Variants in PPARD observed in about 807,000 individuals in gnomAD.
PPARD encodes the protein peroxisome proliferator-activated receptor delta.
PPARD carries 6 observed loss-of-function variants against 39.5 expected under a neutral mutation model. The ratio of observed to expected loss-of-function variants is 0.15; its 90% confidence interval spans 0.08 to 0.30. PPARD has a LOEUF of 0.30. Ranked by LOEUF, PPARD falls within the 10% of genes least tolerant of loss-of-function variation. The pLI is 1.00. For missense variants in PPARD, 397 were observed against 596.8 expected (o/e 0.67, Z 3.49); for synonymous variants, 210 against 231.3 (o/e 0.91, Z 0.83).
chr6:35,358,871 T>TA (rs1198817345), intron 2 of PPARD, among the ~76,000 whole-genome samples: 4 of 152,118 alleles, frequency 2.6e-5, no homozygotes, highest in African/African-American at 7.2e-5. Context: ...ACAAAGCAGA[T>TA]AAAAAATCTC....
chr6:35,406,989 G>A (rs1262790983), intron 2 of PPARD, among the ~76,000 whole-genome samples: 2 of 152,174 alleles, frequency 1.3e-5, no homozygotes, highest in African/African-American at 4.8e-5. Context: ...TCTGCAAGGG[G>A]GGCCTATAAG....
chr6:35,365,342 G>A (rs770689956), intron 2 of PPARD, among the ~76,000 whole-genome samples: 2 of 148,686 alleles, frequency 1.3e-5, no homozygotes, highest in South Asian at 2.1e-4. Context: ...GGGTTTCACC[G>A]TGTTAGCCAG....
At chr6:35,348,847 G>T (rs1761044702) in intron 2 of PPARD, 1 of 985,410 alleles carries the variant, frequency 1.0e-6, no homozygotes, top group Non-Finnish European at 1.2e-6. Context: ...AGAGGGAAGA[G>T]GTCAAAGTAC....
At chr6:35,354,898 C>CG (rs1761485436) in intron 2 of PPARD, among the ~76,000 whole-genome samples, 1 of 152,132 alleles carries the variant, frequency 6.6e-6, no homozygotes, top group Non-Finnish European at 1.5e-5. Flanking sequence ...TGCTGGAGAC[C>CG]GGTGTGACTC....
Position 35,412,372 on chromosome 6 carries a change from C to T in PPARD, c.130+1155C>T, listed in dbSNP as rs761427604. Among the ~76,000 whole-genome samples, 2 of 152,228 alleles carry T rather than the reference C, an allele frequency of 1.3e-5. No individual in the cohort carries two copies. Among genetic ancestry groups the T allele is most frequent in the Admixed American group, 6.5e-5 (1 of 15,288 alleles). Reference sequence around the variant, plus strand: ...TATACTGCTGGGAGTAGACACCCTGCACTCGCTGCTGCTTTCAGCTGCAGG... The same window carrying T: ...TATACTGCTGGGAGTAGACACCCTGTACTCGCTGCTGCTTTCAGCTGCAGG... On this transcript the variant is annotated intron_variant, in intron 3 of 7. Coordinates refer to ENST00000360694, the MANE Select transcript of PPARD (RefSeq NM_006238.5). The surrounding 1 kb of genome is among the most constrained non-coding windows in gnomAD (Gnocchi z 4.1).
chr6:35,426,850 C>G lies in PPARD; in HGVS notation c.*771C>G, dbSNP rs1302845016. ...CACCCAGTGTCCTTCCATCTTCACA[C>G]TGGTTTGCCAGGCCAATGTTGCTGA... is the stretch of plus-strand genomic sequence containing the variant. On this transcript the variant is annotated 3_prime_UTR_variant, in exon 8 of 8. Coordinates refer to ENST00000360694, the MANE Select transcript of PPARD (RefSeq NM_006238.5). 1 of 152,504 alleles carries G rather than the reference C, an allele frequency of 6.6e-6. No individual in the cohort carries two copies. The highest frequency in any genetic ancestry group is 1.5e-5 in the Non-Finnish European group (1 of 68,234). 9.4% of individuals were successfully genotyped at this position (152,504 alleles called of 1,614,324 possible). A position where few individuals can be genotyped will look rare whatever the true frequency, so the allele number is the denominator to read the frequency against.
In PPARD at chr6:35,348,480, C is replaced by T. The variant is rs1420031421; in HGVS notation, c.-102+1330C>T. Reference sequence around the variant, plus strand: ...CTCAGAAGTGGAGCTCCAGGGAATACAATGTTCATTGTCCTATTTGGAAGG... The same window carrying T: ...CTCAGAAGTGGAGCTCCAGGGAATATAATGTTCATTGTCCTATTTGGAAGG... On this transcript the variant is annotated intron_variant, in intron 2 of 7. Coordinates refer to ENST00000360694, the MANE Select transcript of PPARD (RefSeq NM_006238.5). The T allele has an allele frequency of 3.0e-6, 3 of 985,274 alleles. No individual in the cohort carries two copies. The African/African-American group carries it at 5.2e-5, about 17-fold the overall frequency. The allele number at this position is 985,274 out of a possible 1,614,324, so 61.0% of individuals were successfully genotyped here. A position where few individuals can be genotyped will look rare whatever the true frequency, so the allele number is the denominator to read the frequency against.
chr6:35,424,904 T>G lies in PPARD; in HGVS notation c.1078+125T>G, dbSNP rs1766470013. 4 of 1,465,688 alleles carry G rather than the reference T, an allele frequency of 2.7e-6. No individual in the cohort carries two copies. The highest frequency in any genetic ancestry group is 3.6e-6 in the Non-Finnish European group (4 of 1,111,810). 90.8% of individuals were successfully genotyped at this position (1,465,688 alleles called of 1,614,324 possible). A position where few individuals can be genotyped will look rare whatever the true frequency, so the allele number is the denominator to read the frequency against. Reference sequence around the variant, plus strand: ...GGAAGTGTCCCTGTGATCTTGGCAGTGGAACATGCAAGGCACTGACTGAGC... The same window carrying G: ...GGAAGTGTCCCTGTGATCTTGGCAGGGGAACATGCAAGGCACTGACTGAGC... On this transcript the variant is annotated intron_variant, in intron 7 of 7. Coordinates refer to ENST00000360694, the MANE Select transcript of PPARD (RefSeq NM_006238.5). This position sits in a 1 kb window ranked among gnomAD's most constrained non-coding sequence, Gnocchi z 7.1.
rs1762029943 is a variant in PPARD, at chr6:35,363,444, T to G, written c.-102+16294T>G. Among the ~76,000 whole-genome samples the G allele has an allele frequency of 6.6e-6, 1 of 152,140 alleles. No individual in the cohort carries two copies. ...CCCTTCACCACTCCCAAGCTATAAT[T>G]AAGTTCCCATGTGAAACTGTATCCC... On this transcript the variant is annotated intron_variant, in intron 2 of 7. Coordinates refer to ENST00000360694, the MANE Select transcript of PPARD (RefSeq NM_006238.5). The surrounding 1 kb of genome is among the most constrained non-coding windows in gnomAD (Gnocchi z 4.5).
rs1430804035 is a variant in PPARD, at chr6:35,355,597, TC to T, written c.-102+8448del. Among the ~76,000 whole-genome samples the T allele has an allele frequency of 5.9e-3, 512 of 86,172 alleles. 6 individuals carry two copies. Among genetic ancestry groups the T allele is most frequent in the African/African-American group, 0.029 (248 of 8,556 alleles). The allele number at this position is 86,172 out of a possible 152,430, so 56.5% of individuals were successfully genotyped here. A position where few individuals can be genotyped will look rare whatever the true frequency, so the allele number is the denominator to read the frequency against. ...AAAAAAAGTGCTTTCTTCTTCTTCTTCTTTTTTTTTTTTTTTTTTTTTTTTT... is the reference window on the plus strand; with the variant it reads ...AAAAAAAGTGCTTTCTTCTTCTTCTTTTTTTTTTTTTTTTTTTTTTTTTTT... On this transcript the variant is annotated intron_variant, in intron 2 of 7. Transcript: ENST00000360694.
At chr6:35,384,259 A>G (rs1581592098) in intron 2 of PPARD, among the ~76,000 whole-genome samples, 2 of 94,730 alleles carry the variant, frequency 2.1e-5, no homozygotes, top group Admixed American at 1.1e-4. Flanking sequence ...TCAGGGAGGG[A>G]GGTAGGTTCA....
At chr6:35,373,417 A>G (rs1008841250) in intron 2 of PPARD, among the ~76,000 whole-genome samples, 1 of 152,224 alleles carries the variant, frequency 6.6e-6, no homozygotes, top group Non-Finnish European at 1.5e-5. Context: ...CCTTGATGCC[A>G]CAAGCCACTG....
intron 1 of PPARD, among the ~76,000 whole-genome samples, chr6:35,346,413 T>A (rs1792187222): frequency 6.6e-6 from 1 of 152,210 alleles, no homozygotes; most frequent in African/African-American, 2.4e-5. Context: ...CTTGCTTATA[T>A]GATGTCAGAA....
intron 2 of PPARD, among the ~76,000 whole-genome samples, chr6:35,371,087 T>C (rs1762458000): frequency 6.6e-6 from 1 of 152,220 alleles, no homozygotes; most frequent in Non-Finnish European, 1.5e-5. Context: ...TTTCTTTGCA[T>C]CTTAGAAATC....
Position 35,363,443 on chromosome 6 carries a change from T to G in PPARD, c.-102+16293T>G, listed in dbSNP as rs1762029825. Among the ~76,000 whole-genome samples, 1 of 152,194 alleles carries G rather than the reference T, an allele frequency of 6.6e-6. No individual in the cohort carries two copies. Among genetic ancestry groups the G allele is most frequent in the African/African-American group, 2.4e-5 (1 of 41,450 alleles). On this transcript the variant is annotated intron_variant, in intron 2 of 7. Coordinates refer to ENST00000360694, the MANE Select transcript of PPARD (RefSeq NM_006238.5). The surrounding 1 kb of genome is among the most constrained non-coding windows in gnomAD (Gnocchi z 4.5). Reference sequence around the variant, plus strand: ...TCCCTTCACCACTCCCAAGCTATAATTAAGTTCCCATGTGAAACTGTATCC... The same window carrying G: ...TCCCTTCACCACTCCCAAGCTATAAGTAAGTTCCCATGTGAAACTGTATCC...
chr6:35,413,831 G>T (rs1240223155), intron 3 of PPARD, among the ~76,000 whole-genome samples: 1 of 151,976 alleles, frequency 6.6e-6, no homozygotes, highest in Non-Finnish European at 1.5e-5. Flanking sequence ...TTACAGGCGT[G>T]CACCACCGTG....
At chr6:35,361,780 T>A (rs1221067894) in intron 2 of PPARD, among the ~76,000 whole-genome samples, 1 of 152,156 alleles carries the variant, frequency 6.6e-6, no homozygotes. Context: ...GGCTTTTGGA[T>A]ATGAGCTCTG....
chr6:35,399,363 A>G (rs1764545242), intron 2 of PPARD, among the ~76,000 whole-genome samples: 2 of 140,234 alleles, frequency 1.4e-5, no homozygotes, highest in South Asian at 2.3e-4. Flanking sequence ...TCGTGCCACT[A>G]TACTCCAGCC....
Position 35,347,049 on chromosome 6 carries a change from G to GT in PPARD, c.-185-12dup, listed in dbSNP as rs1792226048. 1.4e-5 allele frequency: 21 copies of GT among 1,498,132 alleles called. No homozygotes were observed. In the South Asian group the frequency reaches 2.3e-4, roughly 17 times the overall value. The allele number at this position is 1,498,132 out of a possible 1,614,324, so 92.8% of individuals were successfully genotyped here. A position where few individuals can be genotyped will look rare whatever the true frequency, so the allele number is the denominator to read the frequency against. Reference sequence around the variant, plus strand: ...GCACCTGTCAGCTAAAGCTGTTGGGGTTTTTTCTATCCTGCAGTGTTGTAC... The same window carrying GT: ...GCACCTGTCAGCTAAAGCTGTTGGGGTTTTTTTCTATCCTGCAGTGTTGTAC... On this transcript the variant is annotated splice_polypyrimidine_tract_variant and intron_variant, in intron 1 of 7. Coordinates refer to ENST00000360694, the MANE Select transcript of PPARD (RefSeq NM_006238.5).
Sources: gnomAD v4.1 joint callset for allele counts (sites outside exome capture counted in the v4.1 genomes callset) on GRCh38, gnomAD v4.1.1 for gene constraint, Gnocchi (gnomAD v3.1) non-coding constraint, MANE v1.5 for transcripts, NCBI Gene and HGNC (gene_info 2026-07-23, HGNC 2026-07-21) for gene names.